VWF: variants seen among roughly 807,000 people sequenced by gnomAD.
VWF encodes the protein Factor VIII related antigen.
VWF carries 176 observed loss-of-function variants against 308.6 expected under a neutral mutation model. The ratio of observed to expected loss-of-function variants is 0.57; its 90% CI spans 0.50 to 0.65. The LOEUF is 0.65. Among genes scored for constraint, VWF ranks in the 30% least tolerant of loss-of-function variants. The probability of loss-of-function intolerance (pLI) is 0.00; values close to 1 mark genes in which losing one functional copy is unlikely to be tolerated. For synonymous variants in VWF, 1,385 were observed against 1,443.4 expected (o/e 0.96, Z 0.92); for missense variants, 3,146 against 3,648.2 (o/e 0.86, Z 3.55).
chr12:5,986,642 C>T (rs541012), intron 38 of VWF, among the ~76,000 whole-genome samples: 126,624 of 151,746 alleles, frequency 0.83, 53,331 homozygotes, highest in East Asian at 0.92. Context: ...CAGGATTAAC[C>T]CCTCTGGTCC....
At chr12:6,087,214 C>A (rs533512061) in intron 6 of VWF, among the ~76,000 whole-genome samples, 42 of 152,076 alleles carry the variant, frequency 2.8e-4, no homozygotes, top group Non-Finnish European at 5.9e-4. Context: ...TATTCAGGGA[C>A]ACGGAAGGAC....
At chr12:6,081,629 C>T (rs1433805679) in intron 6 of VWF, among the ~76,000 whole-genome samples, 2 of 152,214 alleles carry the variant, frequency 1.3e-5, no homozygotes, top group Non-Finnish European at 2.9e-5. Flanking sequence ...TGAGCCACGG[C>T]ACCTGGCCTA....
At chr12:6,079,541 C>G (rs1565855754) in intron 6 of VWF, among the ~76,000 whole-genome samples, 5 of 151,060 alleles carry the variant, frequency 3.3e-5, no homozygotes, top group African/African-American at 4.9e-5. Flanking sequence ...AGCCGGGAGG[C>G]AACGCTTGCA....
At chr12:6,116,286 G>A (rs1048258556) in intron 3 of VWF, among the ~76,000 whole-genome samples, 2 of 152,212 alleles carry the variant, frequency 1.3e-5, no homozygotes, top group South Asian at 2.1e-4. Flanking sequence ...TGATTAAGGC[G>A]CTGAGTGAGG....
At position 5,996,061 on chromosome 12, in the gene VWF, T is replaced by C. The variant is rs1943804666; in HGVS notation, c.6004A>G (p.Met2002Val). 5.6e-6 allele frequency: 9 copies of C among 1,613,874 alleles called. No homozygotes were observed. Among genetic ancestry groups the C allele is most frequent in the African/African-American group, 1.3e-5 (1 of 74,944 alleles). ...CTGTGCTTCACCTCGATGGATTTCA[T>C]GCAGCCCTGCCTTGCTCCAGGGCTG... The part of the protein sequence containing the change: ...ACSPGARQGC[M>V]KSIEVKHSAL... The change falls in exon 35 of 52, where the codon ATG becomes GTG. Residue 2002 changes from methionine (M) to valine (V), a missense_variant. Physicochemically the swap from Met to Val is conservative, Grantham distance 21. This residue lies in a region of VWF where 989 missense variants were observed against 1,117.4 expected (regional missense o/e 0.89). Transcript: ENST00000261405.
intron 48 of VWF, among the ~76,000 whole-genome samples, chr12:5,952,957 G>A (rs770409029): frequency 2.0e-4 from 30 of 152,138 alleles, no homozygotes; most frequent in Non-Finnish European, 2.8e-4. Flanking sequence ...GGCCAGGCAC[G>A]GTGGCTCACA....
At chr12:6,069,970 C>T (rs559924407) in intron 10 of VWF, among the ~76,000 whole-genome samples, 2 of 152,328 alleles carry the variant, frequency 1.3e-5, no homozygotes, top group South Asian at 4.1e-4. Context: ...ACTTCCTAAT[C>T]TGGTGGTTAC....
intron 33 of VWF, 54 bp downstream of exon 33, chr12:6,012,033 G>A: frequency 2.5e-6 from 4 of 1,597,854 alleles, no homozygotes; most frequent in South Asian, 1.1e-5. Flanking sequence ...GTGGGAACAA[G>A]AGCCCCAAAC....
At chr12:5,983,794 G>GAGATAGATAGATAGATAGATAGAT (rs11268064) in intron 40 of VWF, among the ~76,000 whole-genome samples, 17,103 of 148,600 alleles carry the variant, frequency 0.12, 1,079 homozygotes, top group East Asian at 0.2. Context: ...AGATACAATA[G>GAGATAGATAGATAGATAGATAGAT]AGATAGATAG....
intron 45 of VWF, among the ~76,000 whole-genome samples, chr12:5,968,492 A>T (rs145535679): frequency 2.2e-3 from 332 of 152,254 alleles, no homozygotes; most frequent in Admixed American, 5.5e-3. Context: ...ACTCTTGAAA[A>T]TTTCAGTTTC....
chr12:6,081,949 GTTC>G (rs1944916462), intron 6 of VWF, among the ~76,000 whole-genome samples: 1 of 151,768 alleles, frequency 6.6e-6, no homozygotes, highest in African/African-American at 2.4e-5. Flanking sequence ...GGAATTTATC[GTTC>G]TTTTTATTTA....
At chr12:5,958,533 C>T (rs780182391) in intron 47 of VWF, among the ~76,000 whole-genome samples, 21 of 151,882 alleles carry the variant, frequency 1.4e-4, no homozygotes, top group Non-Finnish European at 3.1e-4. Context: ...ACAAAAAATA[C>T]AAAAAATCAG....
chr12:6,073,832 C>A, intron 7 of VWF, 91 bp from the exon 8 acceptor site: 1 of 1,579,942 alleles, frequency 6.3e-7, no homozygotes, highest in South Asian at 1.1e-5. Flanking sequence ...CTCTCGTGCC[C>A]ACTCTGACTG....
In VWF at chr12:6,095,494, C is replaced by G. The variant is rs377057638; in HGVS notation, c.623G>C (p.Ser208Thr). The G allele has an allele frequency of 7.4e-6, 12 of 1,614,012 alleles. No homozygotes were observed. Among genetic ancestry groups the G allele is most frequent in the Non-Finnish European group, 1.0e-5 (12 of 1,180,018 alleles). Reference sequence around the variant, plus strand: ...TTCCCCAGAGGAGATGTTGCATGAGCTGCTGGGAGGAGATGCCCGTTCACA... The same window carrying G: ...TTCCCCAGAGGAGATGTTGCATGAGGTGCTGGGAGGAGATGCCCGTTCACA... ...QWCERASPPS[S>T]SCNISSGEMQ... The change falls in exon 6 of 52, where the codon AGC becomes ACC. Residue 208 changes from serine to threonine, a missense_variant. Coordinates refer to ENST00000261405, the MANE Select transcript of VWF (RefSeq NM_000552.5).
chr12:5,964,394 C>A (rs1943373918), intron 47 of VWF, among the ~76,000 whole-genome samples: 1 of 152,240 alleles, frequency 6.6e-6, no homozygotes, highest in East Asian at 1.9e-4. Flanking sequence ...TCTTTTGACC[C>A]TTTCCACCTT....
intron 12 of VWF, 28 bp downstream of exon 12, chr12:6,064,218 A>C (rs1332543935): frequency 6.2e-7 from 1 of 1,613,982 alleles, no homozygotes. Flanking sequence ...TGCCAGCCCC[A>C]GGCCTGATGG....
chr12:6,092,626 T>TGAGAGAGAGAGAGAGAGAGAGAGA (rs1242670462), intron 6 of VWF, among the ~76,000 whole-genome samples: 2 of 83,492 alleles, frequency 2.4e-5, no homozygotes, highest in African/African-American at 1.3e-4. Flanking sequence ...AGAGTGTGTG[T>TGAGAGAGAGAGAGAGAGAGAGAGA]GTGTGTGTGT....
intron 7 of VWF, 139 bp from the exon 8 acceptor site, chr12:6,073,880 C>G: frequency 7.5e-7 from 1 of 1,335,532 alleles, no homozygotes; most frequent in Non-Finnish European, 1.0e-6. Context: ...CCTTCTCACC[C>G]CCAGTGAGCC....
rs745569482 is a variant in VWF, at chr12:6,019,324, A to T, written c.4094T>A (p.Leu1365Gln). 1.2e-6 allele frequency: 2 copies of T among 1,613,920 alleles called. No individual in the cohort carries two copies. Among genetic ancestry groups the T allele is most frequent in the Admixed American group, 1.7e-5 (1 of 60,022 alleles). ...GTCGATCTTGCTGAAGATTTGGAAC[A>T]GTGTGTATTTCAAGACCTCGCTGGT... ...ASTSEVLKYTLFQIFSKIDRP... is the reference protein window; with the variant it reads ...ASTSEVLKYTQFQIFSKIDRP... Residue 1365 changes from leucine (L) to glutamine (Q), a missense_variant, in exon 28 of 52, where the codon CTG (leucine) becomes CAG (glutamine). Around this residue, in one of 3 missense-constraint regions of VWF, gnomAD observed 853 missense variants for 1,177.8 expected, o/e 0.72. Coordinates refer to ENST00000261405, the MANE Select transcript of VWF (RefSeq NM_000552.5). This position sits in a 1 kb window ranked among gnomAD's most constrained non-coding sequence, Gnocchi z 5.8.
Sources: gnomAD v4.1 joint callset for allele counts (sites outside exome capture counted in the v4.1 genomes callset) on GRCh38, gnomAD v4.1.1 for gene constraint, gnomAD v4.1.1 regional missense constraint, Gnocchi (gnomAD v3.1) non-coding constraint, MANE v1.5 for transcripts, NCBI Gene and HGNC (gene_info 2026-07-23, HGNC 2026-07-21) for gene names.